The following PCDHGA2 variants were observed in gnomAD, a reference collection of about 807,000 sequenced individuals.
PCDHGA2 encodes protocadherin gamma subfamily A, 2.
In PCDHGA2, 40 loss-of-function variants were observed where a neutral mutation model predicts 59.2. The observed-to-expected ratio is 0.68, with a 90% CI of 0.52 to 0.88. PCDHGA2 has a LOEUF of 0.88. Among genes scored for constraint, PCDHGA2 ranks in the 40% least tolerant of loss-of-function variants. The pLI is 0.00. For missense variants in PCDHGA2, 1,226 were observed against 1,204.0 expected (o/e 1.02, Z -0.27); for synonymous variants, 560 against 526.0 (o/e 1.06, Z -0.89).
At chr5:141,501,423 A>G (rs1195105794) in intron 2 of PCDHGA2, among the ~76,000 whole-genome samples, 4 of 151,966 alleles carry the variant, frequency 2.6e-5, no homozygotes, top group African/African-American at 7.2e-5. Flanking sequence ...AGTTGACTAA[A>G]TGTAGTCCAT....
intron 1 of PCDHGA2, chr5:141,345,075 A>G (rs903525179): frequency 6.2e-7 from 1 of 1,614,028 alleles, no homozygotes; most frequent in Non-Finnish European, 8.5e-7. Context: ...TCCAGAAATT[A>G]CAATCACGTC....
chr5:141,346,987 T>A (rs1757837268), intron 1 of PCDHGA2, among the ~76,000 whole-genome samples: 1 of 151,886 alleles, frequency 6.6e-6, no homozygotes, highest in African/African-American at 2.4e-5. Context: ...GGTGACACTC[T>A]TTTTTTCTTT....
intron 1 of PCDHGA2, among the ~76,000 whole-genome samples, chr5:141,460,256 C>T (rs1315761341): frequency 6.6e-6 from 1 of 151,704 alleles, no homozygotes; most frequent in Admixed American, 6.6e-5. Context: ...TTGATAAAGC[C>T]CAATTTATTT....
At chr5:141,503,309 A>G (rs2099819130) in intron 2 of PCDHGA2, among the ~76,000 whole-genome samples, 1 of 152,034 alleles carries the variant, frequency 6.6e-6, no homozygotes, top group Non-Finnish European at 1.5e-5. Flanking sequence ...TCAAGAAAGA[A>G]TTGTTGGAGG....
chr5:141,427,028 C>T (rs960885416), intron 1 of PCDHGA2: 12 of 456,928 alleles, frequency 2.6e-5, no homozygotes, highest in Admixed American at 2.1e-4. Flanking sequence ...ACAAAGTCAG[C>T]CTTAGAGAGA....
In PCDHGA2 at chr5:141,432,908, C is replaced by T. The variant is rs757934634; in HGVS notation, c.2425-61899C>T. On this transcript the variant is annotated intron_variant, in intron 1 of 3. Transcript: ENST00000394576. This position sits in a 1 kb window ranked among gnomAD's most constrained non-coding sequence, Gnocchi z 6.0. Reference sequence around the variant, plus strand: ...CATCTTGCTGCTGGCGCTCAGGCTGCGGCGCTGGCACAAGTCACGCCTGCT... The same window carrying T: ...CATCTTGCTGCTGGCGCTCAGGCTGTGGCGCTGGCACAAGTCACGCCTGCT... 3.7e-5 allele frequency: 60 copies of T among 1,614,050 alleles called. No individual in the cohort carries two copies. Among genetic ancestry groups the T allele is most frequent in the Middle Eastern group, 3.3e-4 (2 of 6,082 alleles).
At chr5:141,423,510 TGCGGACTC>T in intron 1 of PCDHGA2, 1 of 1,613,792 alleles carries the variant, frequency 6.2e-7, no homozygotes, top group South Asian at 1.1e-5. Context: ...TCTCTCTCAT[TGCGGACTC>T]GCAGAAGAGT....
At chr5:141,455,103 C>T (rs1319698016) in intron 1 of PCDHGA2, among the ~76,000 whole-genome samples, 1 of 151,862 alleles carries the variant, frequency 6.6e-6, no homozygotes, top group South Asian at 2.1e-4. Flanking sequence ...TGAGCCACTG[C>T]GCCCGGTGGG....
chr5:141,394,322 G>T (rs1438978424), intron 1 of PCDHGA2: 3 of 1,613,960 alleles, frequency 1.9e-6, no homozygotes, highest in Non-Finnish European at 1.7e-6. Context: ...CCCTGTCCTC[G>T]TATATCTCCA....
chr5:141,427,151 G>A (rs1481629222), intron 1 of PCDHGA2: 1 of 456,934 alleles, frequency 2.2e-6, no homozygotes, highest in Admixed American at 2.3e-5. Flanking sequence ...TTGGAAATAT[G>A]TTTGTGCTAG....
At chr5:141,353,287 T>C (rs747205699) in intron 1 of PCDHGA2, among the ~76,000 whole-genome samples, 3 of 152,228 alleles carry the variant, frequency 2.0e-5, no homozygotes, top group Non-Finnish European at 4.4e-5. Flanking sequence ...GTCATTTTAT[T>C]CTTAGCTCTT....
At chr5:141,394,168 T>G in intron 1 of PCDHGA2, 1 of 1,613,752 alleles carries the variant, frequency 6.2e-7, no homozygotes, top group Non-Finnish European at 8.5e-7. Flanking sequence ...CCTCCTACTT[T>G]CCCTCATGCC....
intron 1 of PCDHGA2, among the ~76,000 whole-genome samples, chr5:141,480,874 G>A (rs1487409799): frequency 2.6e-5 from 4 of 151,950 alleles, no homozygotes; most frequent in African/African-American, 7.3e-5. Context: ...GTGAAACCCC[G>A]TCTCTACTAA....
chr5:141,384,998 T>A, intron 1 of PCDHGA2: 1 of 1,614,130 alleles, frequency 6.2e-7, no homozygotes, highest in East Asian at 2.2e-5. Flanking sequence ...GTGGCCACAG[T>A]CTCCTGCGTC....
intron 1 of PCDHGA2, among the ~76,000 whole-genome samples, chr5:141,443,376 T>C (rs1365277469): frequency 6.6e-6 from 1 of 151,990 alleles, no homozygotes; most frequent in Admixed American, 6.6e-5. Flanking sequence ...TCTCAGCTAC[T>C]TGGGAGGCTG....
Position 141,491,273 on chromosome 5 carries a change from G to A in PCDHGA2, c.2425-3534G>A. ...GACCCTGAGGAAATGCCCAAATCCA[G>A]TGACTTCCTCATACACCCTCCTGAG... On this transcript the variant is annotated intron_variant, in intron 1 of 3. Coordinates refer to ENST00000394576, the MANE Select transcript of PCDHGA2 (RefSeq NM_018915.4). This position sits in a 1 kb window ranked among gnomAD's most constrained non-coding sequence, Gnocchi z 6.9. The A allele has an allele frequency of 6.2e-7, 1 of 1,614,182 alleles. No individual in the cohort carries two copies. Among genetic ancestry groups the A allele is most frequent in the South Asian group, 1.1e-5 (1 of 91,082 alleles).
intron 1 of PCDHGA2, chr5:141,414,875 T>G: frequency 6.2e-7 from 1 of 1,614,196 alleles, no homozygotes; most frequent in Non-Finnish European, 8.5e-7. Context: ...CCCGAGATCC[T>G]GTACCCCGCC....
In PCDHGA2 at chr5:141,355,536, T is replaced by C. The variant is rs1403800891; in HGVS notation, c.2424+14141T>C. On this transcript the variant is annotated intron_variant, in intron 1 of 3. Coordinates refer to ENST00000394576, the MANE Select transcript of PCDHGA2 (RefSeq NM_018915.4). ...CAAACCTGGAGATTCTTCTAGAAGA[T>C]ACAGTGAAGATTTTGCGGGTAGAGG... 2.5e-6 allele frequency: 4 copies of C among 1,613,864 alleles called. No individual in the cohort carries two copies. In the South Asian group the frequency reaches 3.3e-5, roughly 13 times the overall value.
intron 1 of PCDHGA2, among the ~76,000 whole-genome samples, chr5:141,405,840 A>G (rs1005736499): frequency 6.6e-6 from 1 of 152,188 alleles, no homozygotes; most frequent in African/African-American, 2.4e-5. Flanking sequence ...GTATAAGTTG[A>G]TATCAGTGTG....
Sources: gnomAD v4.1 joint callset for allele counts (sites outside exome capture counted in the v4.1 genomes callset) on GRCh38, gnomAD v4.1.1 for gene constraint, Gnocchi (gnomAD v3.1) non-coding constraint, MANE v1.5 for transcripts, NCBI Gene and HGNC (gene_info 2026-07-23, HGNC 2026-07-21) for gene names.